The following ARMH3 variants were observed in gnomAD, a reference collection of about 807,000 sequenced individuals.
ARMH3 encodes armadillo-like helical domain-containing protein 3.
A neutral mutation model predicts 99.1 loss-of-function variants in ARMH3; 60 were observed. The ratio of observed to expected loss-of-function variants is 0.61; its 90% CI spans 0.49 to 0.75. The LOEUF (loss-of-function observed/expected upper bound fraction) is 0.75. Ranked by LOEUF, ARMH3 falls within the 30% of genes least tolerant of loss-of-function variation. The pLI is 0.00. For missense variants in ARMH3, 679 were observed against 843.1 expected, an observed-to-expected ratio of 0.81 and a Z score of 2.41; for synonymous variants, 285 against 292.8, an observed-to-expected ratio of 0.97 and a Z score of 0.27.
chr10:101,848,028 T>A (rs1426780836), intron 25 of ARMH3, among the ~76,000 whole-genome samples: 2 of 152,232 alleles, frequency 1.3e-5, no homozygotes, highest in Non-Finnish European at 2.9e-5. Flanking sequence ...TCTCTTTAGA[T>A]GTGTTTCTAG....
At chr10:101,929,572 CA>C (rs2135658889) in intron 23 of ARMH3, among the ~76,000 whole-genome samples, 1 of 152,108 alleles carries the variant, frequency 6.6e-6, no homozygotes, top group South Asian at 2.1e-4. Flanking sequence ...TTTACAGTTG[CA>C]TAGGAGTAAC....
intron 22 of ARMH3, among the ~76,000 whole-genome samples, chr10:101,951,288 G>A (rs185846239): frequency 6.6e-6 from 1 of 152,310 alleles, no homozygotes; most frequent in African/African-American, 2.4e-5. Flanking sequence ...AACTTATACT[G>A]GCTGGGTGCA....
At chr10:101,953,394 G>A (rs1020615890) in intron 22 of ARMH3, among the ~76,000 whole-genome samples, 1 of 152,238 alleles carries the variant, frequency 6.6e-6, no homozygotes, top group South Asian at 2.1e-4. Flanking sequence ...CCAAAGTGCT[G>A]GGACTACAGG....
At chr10:101,860,767 G>C (rs1465865578) in intron 24 of ARMH3, among the ~76,000 whole-genome samples, 1 of 152,098 alleles carries the variant, frequency 6.6e-6, no homozygotes, top group African/African-American at 2.4e-5. Flanking sequence ...AATACCTAGG[G>C]CATTCAAACA....
chr10:101,990,575 T>C lies in ARMH3; in HGVS notation c.1382A>G (p.Lys461Arg). Residue 461 changes from lysine to arginine, a missense_variant, in exon 19 of 26, where the codon AAG (lysine) becomes AGG (arginine). Around this residue, in one of 3 missense-constraint regions of ARMH3, gnomAD observed 389 missense variants for 456.5 expected, o/e 0.85. Transcript: ENST00000370033. ...MVEFIVTHMM[K>R]EFPMDLYIRC... is the part of the protein sequence containing the mutation. ...CATATAGAGATCCATAGGAAACTCC[T>C]TCATCATGTGTGTTACAATAAACTC... 6.2e-7 allele frequency: 1 copy of C among 1,603,356 alleles called. No homozygotes were observed. The highest frequency in any genetic ancestry group is 1.1e-5 in the South Asian group (1 of 90,776).
At chr10:101,865,626 T>A (rs1338978794) in intron 24 of ARMH3, among the ~76,000 whole-genome samples, 1 of 151,992 alleles carries the variant, frequency 6.6e-6, no homozygotes, top group Non-Finnish European at 1.5e-5. Context: ...GTAGCTGGGA[T>A]TACAGGCATG....
intron 20 of ARMH3, among the ~76,000 whole-genome samples, chr10:101,965,863 ACACTCAG>A (rs1007891373): frequency 6.6e-6 from 1 of 152,162 alleles, no homozygotes; most frequent in African/African-American, 2.4e-5. Flanking sequence ...TATCAGTCTC[ACACTCAG>A]CTTCAGCCCA....
rs569179050 is a variant in ARMH3, at chr10:101,946,071, CAAAAAAAAAAAAA to C, written c.1706-6146_1706-6134del. Among the ~76,000 whole-genome samples the C allele has an allele frequency of 9.3e-4, 32 of 34,482 alleles. No homozygotes were observed. In the South Asian group the frequency reaches 0.016, roughly 17 times the overall value. 22.6% of individuals were successfully genotyped at this position (34,482 alleles called of 152,430 possible). A position where few individuals can be genotyped will look rare whatever the true frequency, so the allele number is the denominator to read the frequency against. On this transcript the variant is annotated intron_variant, in intron 22 of 25. Transcript: ENST00000370033. ...TGGGCGACAGAGTAAGACTCTGCCT[CAAAAAAAAAAAAA>C]AAAAAAAAAAAAAAAAAAAGTCCAG...
intron 23 of ARMH3, among the ~76,000 whole-genome samples, chr10:101,889,900 G>A (rs945479732): frequency 6.6e-6 from 1 of 152,146 alleles, no homozygotes; most frequent in Non-Finnish European, 1.5e-5. Context: ...ACAACATATA[G>A]GCTAAATAGA....
intron 24 of ARMH3, among the ~76,000 whole-genome samples, chr10:101,874,558 C>G (rs936803219): frequency 3.9e-5 from 6 of 152,172 alleles, no homozygotes; most frequent in Non-Finnish European, 8.8e-5. Flanking sequence ...CTATTCTCAG[C>G]TGGGGACTAG....
At chr10:102,000,827 T>G (rs2066341758) in intron 15 of ARMH3, among the ~76,000 whole-genome samples, 1 of 151,816 alleles carries the variant, frequency 6.6e-6, no homozygotes, top group African/African-American at 2.4e-5. Context: ...TTTTGTTGTT[T>G]TTTTTTTGAG....
chr10:101,872,957 C>CA (rs987378847), intron 24 of ARMH3, among the ~76,000 whole-genome samples: 1 of 147,198 alleles, frequency 6.8e-6, no homozygotes, highest in African/African-American at 2.5e-5. Flanking sequence ...GACTCCATCC[C>CA]AAAAAAGAAA....
At chr10:101,906,557 A>G (rs1164545480) in intron 23 of ARMH3, among the ~76,000 whole-genome samples, 1 of 152,238 alleles carries the variant, frequency 6.6e-6, no homozygotes, top group Non-Finnish European at 1.5e-5. Context: ...TACTTGAGAG[A>G]TATTTAGAAG....
At chr10:101,871,451 C>T (rs1166451172) in intron 24 of ARMH3, among the ~76,000 whole-genome samples, 1 of 152,114 alleles carries the variant, frequency 6.6e-6, no homozygotes, top group Non-Finnish European at 1.5e-5. Flanking sequence ...ACATGGTAGA[C>T]CATAAATTTA....
At chr10:101,905,080 A>G (rs1392448438) in intron 23 of ARMH3, among the ~76,000 whole-genome samples, 1 of 152,068 alleles carries the variant, frequency 6.6e-6, no homozygotes, top group Non-Finnish European at 1.5e-5. Context: ...TATATTTCCT[A>G]TTGTCTGTTA....
At chr10:101,902,843 G>A (rs539900979) in intron 23 of ARMH3, among the ~76,000 whole-genome samples, 2 of 152,078 alleles carry the variant, frequency 1.3e-5, no homozygotes, top group Non-Finnish European at 2.9e-5. Flanking sequence ...CAGGGGGTGA[G>A]AGCCAGCTCC....
intron 6 of ARMH3, among the ~76,000 whole-genome samples, chr10:102,024,423 C>G: frequency 6.6e-6 from 1 of 151,460 alleles, no homozygotes; most frequent in East Asian, 2.0e-4. Flanking sequence ...CACTCTCCAG[C>G]CTAGGCGACA....
intron 2 of ARMH3, among the ~76,000 whole-genome samples, chr10:102,033,773 G>A (rs2067189160): frequency 6.6e-6 from 1 of 152,134 alleles, no homozygotes; most frequent in South Asian, 2.1e-4. Context: ...CTGCTAGAAG[G>A]GGAAAAAGAA....
intron 24 of ARMH3, among the ~76,000 whole-genome samples, chr10:101,871,659 G>C (rs1354607684): frequency 1.3e-5 from 2 of 152,118 alleles, no homozygotes; most frequent in African/African-American, 4.8e-5. Flanking sequence ...AATTTGAAAT[G>C]AATCACAGAA....
Sources: gnomAD v4.1 joint callset for allele counts (sites outside exome capture counted in the v4.1 genomes callset) on GRCh38, gnomAD v4.1.1 for gene constraint, gnomAD v4.1.1 regional missense constraint, MANE v1.5 for transcripts, NCBI Gene and HGNC (gene_info 2026-07-23, HGNC 2026-07-21) for gene names.